Variants in IL18BP observed in about 807,000 individuals in gnomAD.
IL18BP encodes the protein interleukin-18-binding protein.
Under a neutral mutation model 19.9 loss-of-function variants are expected in IL18BP, and 23 were observed. The observed-to-expected ratio is 1.15, with a 90% CI of 0.83 to 1.64. IL18BP has a LOEUF of 1.64. IL18BP is among the 40% of genes most tolerant of loss of function. IL18BP has a pLI of 0.00. For synonymous variants in IL18BP, 107 were observed against 101.0 expected (o/e 1.06, Z -0.35); for missense variants, 239 against 240.7 (o/e 0.99, Z 0.05).
chr11:72,003,972 G>A (rs1955469635), downstream of IL18BP: 3 of 1,613,304 alleles, frequency 1.9e-6, no homozygotes, highest in Non-Finnish European at 2.5e-6. Flanking sequence ...AGAACGGCGG[G>A]TTCCACTGCG....
In IL18BP at chr11:72,000,512, T is replaced by G. The variant is rs201587167; in HGVS notation, c.190T>G (p.Cys64Gly). 64 of 1,613,584 alleles carry G rather than the reference T, an allele frequency of 4.0e-5. No homozygotes were observed. The Admixed American group carries it at 9.5e-4, about 24-fold the overall frequency. ...CCCAGTGTTCCCAGCAGCTAAGCAG[T>G]GTCCAGCATTGGAAGTGACCTGGCC... ...QPPVFPAAKQCPALEVTWPEV... is the reference protein window; with the variant it reads ...QPPVFPAAKQGPALEVTWPEV... Residue 64 changes from cysteine (C) to glycine (G), a missense_variant, in exon 3 of 6, where the codon TGT becomes GGT. Coordinates refer to ENST00000393703, the MANE Select transcript of IL18BP (RefSeq NM_001039660.2).
downstream of IL18BP, chr11:72,004,706 G>A (rs1305351499): frequency 1.9e-6 from 3 of 1,613,902 alleles, no homozygotes; most frequent in South Asian, 3.3e-5. Flanking sequence ...GGGTGGTGAT[G>A]CCAGTGCCCT....
intron 3 of IL18BP, among the ~76,000 whole-genome samples, chr11:72,000,916 C>G (rs536127878): frequency 6.6e-6 from 1 of 152,198 alleles, no homozygotes; most frequent in Non-Finnish European, 1.5e-5. Context: ...GCTCCCAAGT[C>G]ACCGAGGCTG....
chr11:72,003,076 C>T (rs1264106024), downstream of IL18BP: 4 of 240,934 alleles, frequency 1.7e-5, no homozygotes, highest in Admixed American at 5.4e-5. Flanking sequence ...GGCAGGTGCT[C>T]CCACCAGGTC....
At chr11:72,007,793 C>T, downstream of IL18BP, 1 of 372,598 alleles carries the variant, frequency 2.7e-6, no homozygotes, top group Non-Finnish European at 5.0e-6. Flanking sequence ...CTCAGGCCCC[C>T]AAGCCATGAA....
chr11:72,007,305 G>T (rs1955796895), downstream of IL18BP: 1 of 1,613,442 alleles, frequency 6.2e-7, no homozygotes, highest in East Asian at 2.2e-5. Flanking sequence ...AGGGGGGCCT[G>T]ACTCCGAGCA....
rs77923185 is a variant in IL18BP at position 72,000,102 on chromosome 11, A to G, written c.28+90A>G. On this transcript the variant is annotated intron_variant, in intron 2 of 5. Coordinates refer to ENST00000393703, the MANE Select transcript of IL18BP (RefSeq NM_001039660.2). ...TGGGCTAACCCGGAGCCTTCACTCC[A>G]AGGCAAACCACCCAGCGCACCTGGT... 8.3e-4 allele frequency: 1,165 copies of G among 1,402,546 alleles called. 7 individuals are homozygous for G. In the African/African-American group the frequency reaches 0.015, roughly 18 times the overall value. The allele number at this position is 1,402,546 out of a possible 1,614,324, so 86.9% of individuals were successfully genotyped here.
At chr11:72,003,574 T>C (rs368947900), downstream of IL18BP, 1 of 1,613,868 alleles carries the variant, frequency 6.2e-7, no homozygotes, top group Non-Finnish European at 8.5e-7. Flanking sequence ...AGATGAGAAC[T>C]TGCGATACTA....
chr11:72,001,546 G>C lies in IL18BP; in HGVS notation c.501G>C (p.Gln167His), dbSNP rs1230498855. Residue 167 changes from glutamine to histidine, a missense_variant, in exon 5 of 6, where the codon CAG becomes CAC. Gln to His is a conservative substitution (Grantham distance 24). Transcript: ENST00000393703. ...TCCAGCGTCACGTCGTCCTGGCCCAGCTCTGGGTGAGGAGCCCAAGGAGAG... is the reference window on the plus strand; with the variant it reads ...TCCAGCGTCACGTCGTCCTGGCCCACCTCTGGGTGAGGAGCCCAAGGAGAG... ...QVVQRHVVLA[Q>H]LWAGLRATLP... is the part of the protein sequence containing the mutation. 2 of 1,611,902 alleles carry C rather than the reference G, an allele frequency of 1.2e-6. No homozygotes were observed. The highest frequency in any genetic ancestry group is 1.7e-6 in the Non-Finnish European group (2 of 1,179,026).
rs1955118762 is a variant in IL18BP at position 71,999,871 on chromosome 11, AG to A, written c.-58-55del. 3.8e-6 allele frequency: 4 copies of A among 1,040,806 alleles called. No homozygotes were observed. In the South Asian group the frequency reaches 5.8e-5, roughly 15 times the overall value. The allele number at this position is 1,040,806 out of a possible 1,614,324, so 64.5% of individuals were successfully genotyped here. A position where few individuals can be genotyped will look rare whatever the true frequency, so the allele number is the denominator to read the frequency against. On this transcript the variant is annotated intron_variant, in intron 1 of 5. Coordinates refer to ENST00000393703, the MANE Select transcript of IL18BP (RefSeq NM_001039660.2). ...AGAAGCCAGCTACTGAGGAAAAGCC[AG>A]CTACTGAGAAAAAGCGGGAGTGGTT...
Position 72,001,516 on chromosome 11 carries a change from G to A in IL18BP, c.471G>A (p.Gln157=), listed in dbSNP as rs1425429004. The change falls in exon 5 of 6, where the codon CAG becomes CAA. Residue 157 remains glutamine, a synonymous_variant. Transcript: ENST00000393703. Reference sequence around the variant, plus strand: ...CCTGTGTGCTCGTGGACCCTGAACAGGTTGTCCAGCGTCACGTCGTCCTGG... The same window carrying A: ...CCTGTGTGCTCGTGGACCCTGAACAAGTTGTCCAGCGTCACGTCGTCCTGG... ...NFSCVLVDPE[Q]VVQRHVVLAQ... 6.2e-7 allele frequency: 1 copy of A among 1,613,866 alleles called. No homozygotes were observed. Among genetic ancestry groups the A allele is most frequent in the East Asian group, 2.2e-5 (1 of 44,884 alleles).
chr11:72,000,396 C>T lies in IL18BP; in HGVS notation c.74C>T (p.Thr25Ile). ...WVLLLCAHVVTLLVRATPVSQ... is the reference protein window; with the variant it reads ...WVLLLCAHVVILLVRATPVSQ... ...CTGCTCCTGTGTGCCCACGTCGTCA[C>T]TCTCCTGGTCAGAGCCACACCTGTC... The change falls in exon 3 of 6, where the codon ACT (threonine) becomes ATT (isoleucine). Residue 25 changes from threonine to isoleucine, a missense_variant. By Grantham distance (89) the Thr-to-Ile change is moderately conservative. Coordinates refer to ENST00000393703, the MANE Select transcript of IL18BP (RefSeq NM_001039660.2). The T allele has an allele frequency of 1.2e-6, 2 of 1,614,120 alleles. No homozygotes were observed. The highest frequency in any genetic ancestry group is 1.1e-5 in the South Asian group (1 of 91,088).
At chr11:72,004,701 G>A, downstream of IL18BP, 1 of 1,613,850 alleles carries the variant, frequency 6.2e-7, no homozygotes, top group Admixed American at 1.7e-5. Flanking sequence ...CTGCCGGGTG[G>A]TGATGCCAGT....
chr11:72,000,657 C>A, intron 3 of IL18BP, 100 bp downstream of exon 3: 1 of 979,786 alleles, frequency 1.0e-6, no homozygotes, highest in Non-Finnish European at 1.5e-6. Context: ...GTACCACCAG[C>A]TGAGCCAGCT....
downstream of IL18BP, chr11:72,004,773 G>T: frequency 6.3e-7 from 1 of 1,599,064 alleles, no homozygotes. Context: ...GGGGTCTCCA[G>T]TTTTCATCTC....
chr11:72,001,538 C>T lies in IL18BP; in HGVS notation c.493C>T (p.Leu165=), dbSNP rs760984223. The T allele has an allele frequency of 6.2e-7, 1 of 1,612,596 alleles. No homozygotes were observed. The change falls in exon 5 of 6, where the codon CTG becomes TTG. Residue 165 remains leucine, a synonymous_variant. Transcript: ENST00000393703. ...PEQVVQRHVV[L]AQLWAGLRAT... ...ACAGGTTGTCCAGCGTCACGTCGTC[C>T]TGGCCCAGCTCTGGGTGAGGAGCCC... is the stretch of plus-strand genomic sequence containing the variant.
At chr11:72,003,581 A>T (rs183825616), downstream of IL18BP, 3 of 1,613,276 alleles carry the variant, frequency 1.9e-6, no homozygotes, top group Admixed American at 5.0e-5. Context: ...AACTTGCGAT[A>T]CTAGCCTGCA....
At chr11:72,007,116 G>A (rs1001584822), downstream of IL18BP, 14 of 1,553,992 alleles carry the variant, frequency 9.0e-6, no homozygotes, top group Middle Eastern at 1.1e-3. Context: ...TCCTGACTGA[G>A]TGCCCAGTGC....
At chr11:72,001,167 C>T (rs373798810) in intron 3 of IL18BP, 34 bp from the exon 4 acceptor site, 9 of 1,613,286 alleles carry the variant, frequency 5.6e-6, no homozygotes, top group Non-Finnish European at 7.6e-6. Flanking sequence ...AGGGCCTGCT[C>T]TTCTGAAGAG....
Sources: allele counts gnomAD v4.1 joint callset (sites outside exome capture counted in the v4.1 genomes callset), GRCh38; gene constraint gnomAD v4.1.1; transcripts MANE v1.5; gene names NCBI Gene and HGNC (gene_info 2026-07-23, HGNC 2026-07-21).